USP15: variants seen among roughly 807,000 people sequenced by gnomAD.
USP15 encodes the protein ubiquitin carboxyl-terminal hydrolase 15.
In USP15, 18 loss-of-function variants were observed where a neutral mutation model predicts 127.1. The ratio of observed to expected loss-of-function variants is 0.14; its 90% CI spans 0.10 to 0.21. USP15 has a LOEUF of 0.21. Among genes scored for constraint, USP15 ranks in the 10% least tolerant of loss-of-function variants. USP15 has a pLI of 1.00. For missense variants in USP15, 805 were observed against 1,159.9 expected (o/e 0.69, Z 4.44); for synonymous variants, 364 against 393.7 (o/e 0.92, Z 0.89).
At position 62,359,693 on chromosome 12, in the gene USP15, A is replaced by G. The variant is rs139491473; in HGVS notation, c.915+4218A>G. Among the ~76,000 whole-genome samples the G allele has an allele frequency of 8.7e-3, 1,326 of 152,220 alleles. 19 individuals are homozygous for G. Among genetic ancestry groups the G allele is most frequent in the African/African-American group, 0.029 (1,207 of 41,546 alleles). ...TTTATTTTTCATATAGTGTTATTGT[A>G]GGAATGGTATTTATCAACCCTTTAA... On this transcript the variant is annotated intron_variant, in intron 8 of 21. Coordinates refer to ENST00000280377, the MANE Select transcript of USP15 (RefSeq NM_001252078.2).
chr12:62,391,795 A>G (rs767521640), intron 16 of USP15, 21 bp from the exon 17 acceptor site: 3 of 1,568,796 alleles, frequency 1.9e-6, no homozygotes, highest in African/African-American at 1.4e-5. Flanking sequence ...TTTTAAAGAA[A>G]AAATATGTTT....
chr12:62,368,714 A>G (rs528760209), intron 8 of USP15, among the ~76,000 whole-genome samples: 1 of 152,134 alleles, frequency 6.6e-6, no homozygotes, highest in East Asian at 1.9e-4. Flanking sequence ...TGCACATGAG[A>G]TGGGTCTCCT....
intron 1 of USP15, among the ~76,000 whole-genome samples, chr12:62,289,136 T>A (rs1015521014): frequency 3.3e-5 from 5 of 152,104 alleles, no homozygotes; most frequent in African/African-American, 1.2e-4. Flanking sequence ...CTCTACTATT[T>A]TGGAACAGTT....
Position 62,355,390 on chromosome 12 carries a change from C to T in USP15, c.830C>T (p.Ser277Leu), listed in dbSNP as rs774222038. 10 of 1,611,242 alleles carry T rather than the reference C, an allele frequency of 6.2e-6. No individual in the cohort carries two copies. Among genetic ancestry groups the T allele is most frequent in the South Asian group, 4.4e-5 (4 of 90,834 alleles). ...SYTAYKNYDYSEPGRNNEQPG... is the reference protein window; with the variant it reads ...SYTAYKNYDYLEPGRNNEQPG... Reference sequence around the variant, plus strand: ...ACCGCTTATAAGAACTATGATTATTCGGAACCTGGAAGAAACAATGAACAG... The same window carrying T: ...ACCGCTTATAAGAACTATGATTATTTGGAACCTGGAAGAAACAATGAACAG... Residue 277 changes from serine (S) to leucine (L), a missense_variant, in exon 8 of 22, where the codon TCG becomes TTG. By Grantham distance (145) the Ser-to-Leu change is moderately radical (BLOSUM62 -2). Transcript: ENST00000280377.
At chr12:62,343,485 G>A (rs11504122) in intron 6 of USP15, among the ~76,000 whole-genome samples, 34,100 of 152,112 alleles carry the variant, frequency 0.22, 4,173 homozygotes, top group African/African-American at 0.34. Context: ...AGCTAGCTCA[G>A]TGCCTGCCCA....
intron 8 of USP15, chr12:62,374,305 A>G (rs1284321743): frequency 2.3e-6 from 2 of 868,924 alleles, no homozygotes; most frequent in African/African-American, 1.8e-5. Flanking sequence ...GAGTGGTATT[A>G]CCTTTTGATT....
intron 2 of USP15, among the ~76,000 whole-genome samples, chr12:62,299,550 T>G (rs1316878170): frequency 1.3e-5 from 2 of 152,252 alleles, no homozygotes; most frequent in African/African-American, 4.8e-5. Flanking sequence ...CACATTTACT[T>G]TATGCACTCA....
chr12:62,271,396 GATA>G, intron 1 of USP15, among the ~76,000 whole-genome samples: 1 of 152,082 alleles, frequency 6.6e-6, no homozygotes, highest in East Asian at 1.9e-4. Context: ...TAATATTTAT[GATA>G]ATTTTCTTTA....
At chr12:62,401,591 G>GAA (rs2067689929) in intron 21 of USP15, among the ~76,000 whole-genome samples, 1 of 151,736 alleles carries the variant, frequency 6.6e-6, no homozygotes, top group Non-Finnish European at 1.5e-5. Context: ...TAGACATTGA[G>GAA]TACTTAAAGC....
intron 1 of USP15, among the ~76,000 whole-genome samples, chr12:62,268,190 T>A: frequency 6.6e-6 from 1 of 152,042 alleles, no homozygotes; most frequent in East Asian, 1.9e-4. Flanking sequence ...TACATGGTAG[T>A]ATTCTCATTT....
chr12:62,390,993 G>A lies in USP15; in HGVS notation c.1960+14G>A, dbSNP rs1433632275. 1.9e-5 allele frequency: 31 copies of A among 1,599,360 alleles called. 1 individual carries two copies. Among genetic ancestry groups the A allele is most frequent in the Non-Finnish European group, 2.6e-5 (30 of 1,171,086 alleles). On this transcript the variant is annotated intron_variant, in intron 15 of 21. Coordinates refer to ENST00000280377, the MANE Select transcript of USP15 (RefSeq NM_001252078.2). ...AAGGCTCACCAAGTAAGACTTTTCT[G>A]TTAAATTGTACAAATGTTTCACTTA...
intron 1 of USP15, among the ~76,000 whole-genome samples, chr12:62,286,010 T>A (rs567446202): frequency 1.3e-5 from 2 of 152,344 alleles, no homozygotes; most frequent in African/African-American, 4.8e-5. Context: ...GTGGTTTTAC[T>A]TGTATTTATC....
At chr12:62,305,616 A>T (rs568238358) in intron 3 of USP15, 1 of 152,326 alleles carries the variant, frequency 6.6e-6, no homozygotes. Flanking sequence ...CAAAATGTAA[A>T]TGTTGTGAGT....
intron 1 of USP15, among the ~76,000 whole-genome samples, chr12:62,283,193 A>C (rs2063699148): frequency 6.6e-6 from 1 of 152,240 alleles, no homozygotes; most frequent in Non-Finnish European, 1.5e-5. Flanking sequence ...TGTAGATAGT[A>C]GAAGAGTAAA....
chr12:62,363,554 C>T (rs971772547), intron 8 of USP15, among the ~76,000 whole-genome samples: 1 of 152,090 alleles, frequency 6.6e-6, no homozygotes, highest in Non-Finnish European at 1.5e-5. Context: ...TTCAGTCACC[C>T]TGTAAAAAAT....
chr12:62,304,226 A>C (rs1272050984), intron 3 of USP15, among the ~76,000 whole-genome samples: 1 of 152,196 alleles, frequency 6.6e-6, no homozygotes, highest in Non-Finnish European at 1.5e-5. Flanking sequence ...CTAATAACAA[A>C]GTAAAATATA....
chr12:62,283,770 C>T (rs1196007332), intron 1 of USP15, among the ~76,000 whole-genome samples: 6 of 152,094 alleles, frequency 3.9e-5, no homozygotes, highest in Non-Finnish European at 7.4e-5. Flanking sequence ...TGGCAAAACC[C>T]GGTCTTTACT....
chr12:62,296,985 G>A (rs2064150069), intron 2 of USP15, among the ~76,000 whole-genome samples: 1 of 152,190 alleles, frequency 6.6e-6, no homozygotes, highest in South Asian at 2.1e-4. Flanking sequence ...AGTTAACAAA[G>A]GAAAGAGGGT....
At position 62,291,084 on chromosome 12, in the gene USP15, C is replaced by T. The variant is rs189192930; in HGVS notation, c.90-3095C>T. ...CTATGTCATGGTGAGGCCCTTCTTGCAATGTATTTTTCTGGGTTTCATTGA... is the reference window on the plus strand; with the variant it reads ...CTATGTCATGGTGAGGCCCTTCTTGTAATGTATTTTTCTGGGTTTCATTGA... On this transcript the variant is annotated intron_variant, in intron 1 of 21. Coordinates refer to ENST00000280377, the MANE Select transcript of USP15 (RefSeq NM_001252078.2). 8.5e-5 allele frequency among the ~76,000 whole-genome samples: 13 copies of T among 152,254 alleles called. 1 individual carries two copies. The highest frequency in any genetic ancestry group is 2.6e-4 in the African/African-American group (11 of 41,552).
Sources: gnomAD v4.1 joint callset for allele counts (sites outside exome capture counted in the v4.1 genomes callset) on GRCh38, gnomAD v4.1.1 for gene constraint, MANE v1.5 for transcripts, NCBI Gene and HGNC (gene_info 2026-07-23, HGNC 2026-07-21) for gene names.